DCLK2: variants seen among roughly 807,000 people sequenced by gnomAD.
DCLK2 encodes the protein serine/threonine-protein kinase DCLK2.
Under a neutral mutation model 78.4 loss-of-function variants are expected in DCLK2, and 31 were observed. That is an observed-to-expected ratio of 0.40 (90% CI 0.30 to 0.53). The LOEUF (loss-of-function observed/expected upper bound fraction) is 0.53, where lower values mean the gene tolerates loss of function less well. DCLK2 is among the 20% of genes least tolerant of loss of function. The probability of loss-of-function intolerance (pLI) is 0.61; values close to 1 mark genes in which losing one functional copy is unlikely to be tolerated. For synonymous variants in DCLK2, 407 were observed against 374.9 expected, an observed-to-expected ratio of 1.09 and a Z score of -0.99; for missense variants, 872 against 973.7, an observed-to-expected ratio of 0.90 and a Z score of 1.39.
chr4:150,214,974 AAAG>A (rs1740582917), intron 5 of DCLK2, among the ~76,000 whole-genome samples: 2 of 143,148 alleles, frequency 1.4e-5, no homozygotes, highest in Non-Finnish European at 1.5e-5. Flanking sequence ...AAAAAAAAAG[AAAG>A]AAAATGTTTC....
At chr4:150,223,500 T>C (rs1411065022) in intron 7 of DCLK2, among the ~76,000 whole-genome samples, 1 of 152,198 alleles carries the variant, frequency 6.6e-6, no homozygotes, top group Non-Finnish European at 1.5e-5. Flanking sequence ...TCCCAGCACT[T>C]TGGGAGGCCG....
chr4:150,096,326 G>A (rs1325178236), intron 1 of DCLK2, among the ~76,000 whole-genome samples: 1 of 152,214 alleles, frequency 6.6e-6, no homozygotes, highest in African/African-American at 2.4e-5. Context: ...GGCAGTAATG[G>A]AGAGTGAAAT....
chr4:150,091,102 A>C (rs1419128125), intron 1 of DCLK2, among the ~76,000 whole-genome samples: 2 of 152,184 alleles, frequency 1.3e-5, no homozygotes, highest in Non-Finnish European at 2.9e-5. Context: ...ATAATAAATC[A>C]GTCTTACTTT....
chr4:150,088,732 C>T (rs1729826520), intron 1 of DCLK2, among the ~76,000 whole-genome samples: 2 of 152,200 alleles, frequency 1.3e-5, no homozygotes, highest in Admixed American at 1.3e-4. Flanking sequence ...AAATTCCATA[C>T]TTAACCTCAT....
chr4:150,169,079 T>TGG (rs2150255807), intron 2 of DCLK2, among the ~76,000 whole-genome samples: 2 of 149,650 alleles, frequency 1.3e-5, no homozygotes, highest in South Asian at 4.4e-4. Context: ...GTGTTTCTGT[T>TGG]GGTTAGATTT....
chr4:150,195,833 G>A (rs1445493926), intron 3 of DCLK2, among the ~76,000 whole-genome samples: 3 of 151,794 alleles, frequency 2.0e-5, no homozygotes, highest in Admixed American at 2.0e-4. Flanking sequence ...CTGCAAAGTA[G>A]GGATAATAAT....
chr4:150,249,454 A>G, intron 14 of DCLK2, 114 bp from the exon 15 acceptor site: 1 of 797,076 alleles, frequency 1.3e-6, no homozygotes, highest in Non-Finnish European at 2.2e-6. Flanking sequence ...AGAGGGGCCC[A>G]TTTAGGAAGA....
intron 1 of DCLK2, among the ~76,000 whole-genome samples, chr4:150,089,047 A>T (rs969463270): frequency 6.6e-6 from 1 of 152,256 alleles, no homozygotes; most frequent in African/African-American, 2.4e-5. Flanking sequence ...CATCAATAAT[A>T]CTTGCATGAT....
chr4:150,100,856 T>C (rs561373216), intron 1 of DCLK2, among the ~76,000 whole-genome samples: 1 of 152,348 alleles, frequency 6.6e-6, no homozygotes, highest in African/African-American at 2.4e-5. Flanking sequence ...GATTTCACTT[T>C]ACTGGTGTAG....
At chr4:150,197,034 A>G (rs1028710256) in intron 3 of DCLK2, among the ~76,000 whole-genome samples, 17 of 152,036 alleles carry the variant, frequency 1.1e-4, no homozygotes, top group African/African-American at 3.6e-4. Context: ...GGGCGCCTGT[A>G]GTCCACTCAG....
chr4:150,079,151 A>G lies in DCLK2; in HGVS notation c.124A>G (p.Asn42Asp), dbSNP rs1380308641. 1.2e-6 allele frequency: 2 copies of G among 1,601,532 alleles called. No homozygotes were observed. Among genetic ancestry groups the G allele is most frequent in the Admixed American group, 1.7e-5 (1 of 58,996 alleles). ...CAGCAGCAGCTCGGGCCCCAAGGGG[A>G]ACGGGCTCATCCCCAGTCCGGCGCA... is the stretch of plus-strand genomic sequence containing the variant. The part of the protein sequence containing the change: ...GGSSSSGPKG[N>D]GLIPSPAHSA... The change falls in exon 1 of 16, where the codon AAC (asparagine) becomes GAC (aspartate). Residue 42 changes from asparagine (N) to aspartate (D), a missense_variant. By Grantham distance (23) the Asn-to-Asp change is conservative. Around this residue, in one of 3 missense-constraint regions of DCLK2, gnomAD observed 567 missense variants for 593.4 expected, o/e 0.96. Coordinates refer to ENST00000296550, the MANE Select transcript of DCLK2 (RefSeq NM_001040260.4).
At position 150,218,087 on chromosome 4, in the gene DCLK2, G is replaced by A. The variant is rs143915401; in HGVS notation, c.1057-2616G>A. ...TCTCTCGCTCTCTCTCTCCTCCCCCGCCCCCCCTCCCCCCACAACGAGGCC... is the reference window on the plus strand; with the variant it reads ...TCTCTCGCTCTCTCTCTCCTCCCCCACCCCCCCTCCCCCCACAACGAGGCC... On this transcript the variant is annotated intron_variant, in intron 5 of 15. Transcript: ENST00000296550. Among the ~76,000 whole-genome samples, 816 of 87,244 alleles carry A rather than the reference G, an allele frequency of 9.4e-3. 13 individuals carry two copies. The highest frequency in any genetic ancestry group is 0.033 in the African/African-American group (761 of 23,220). 57.2% of individuals were successfully genotyped at this position (87,244 alleles called of 152,430 possible).
chr4:150,102,448 A>T lies in DCLK2; in HGVS notation c.422-30A>T, dbSNP rs773663723. On this transcript the variant is annotated intron_variant, in intron 1 of 15. Transcript: ENST00000296550. The stretch of plus-strand genomic sequence containing the variant: ...AAATGCTTCTATGATAGAGATAATC[A>T]TGCTAATAAAATCAAATTTTGCTTT... The T allele has an allele frequency of 3.8e-6, 6 of 1,595,894 alleles. No individual in the cohort carries two copies. The Admixed American group carries it at 5.1e-5, about 14-fold the overall frequency.
intron 1 of DCLK2, among the ~76,000 whole-genome samples, chr4:150,081,291 C>G (rs1413453481): frequency 6.6e-6 from 1 of 152,158 alleles, no homozygotes; most frequent in Non-Finnish European, 1.5e-5. Flanking sequence ...TTATGCATGT[C>G]CATTAATAGG....
chr4:150,103,719 C>T (rs1041713318), intron 2 of DCLK2, among the ~76,000 whole-genome samples: 6 of 152,150 alleles, frequency 3.9e-5, no homozygotes, highest in African/African-American at 1.4e-4. Context: ...TTGGGAAAAA[C>T]ACAATCAAAT....
chr4:150,177,735 T>G (rs902691722), intron 2 of DCLK2, among the ~76,000 whole-genome samples: 1 of 152,114 alleles, frequency 6.6e-6, no homozygotes, highest in African/African-American at 2.4e-5. Context: ...AAAAGAAAAT[T>G]GTAAAGACAT....
chr4:150,209,979 G>T (rs2126481455), intron 5 of DCLK2, among the ~76,000 whole-genome samples: 1 of 152,320 alleles, frequency 6.6e-6, no homozygotes, highest in South Asian at 2.1e-4. Context: ...GGAGGCTGAA[G>T]CAGGAGAATC....
chr4:150,097,861 T>C (rs1445666561), intron 1 of DCLK2, among the ~76,000 whole-genome samples: 1 of 152,198 alleles, frequency 6.6e-6, no homozygotes, highest in East Asian at 1.9e-4. Context: ...TTTACAGTTT[T>C]ATGGCCAAAG....
At chr4:150,145,486 T>C (rs1034339235) in intron 2 of DCLK2, among the ~76,000 whole-genome samples, 5 of 152,260 alleles carry the variant, frequency 3.3e-5, no homozygotes, top group Non-Finnish European at 7.3e-5. Flanking sequence ...TTAATACTTT[T>C]TTAAAGCCCA....
Sources: gnomAD v4.1 joint callset for allele counts (sites outside exome capture counted in the v4.1 genomes callset) on GRCh38, gnomAD v4.1.1 for gene constraint, gnomAD v4.1.1 regional missense constraint, MANE v1.5 for transcripts, NCBI Gene and HGNC (gene_info 2026-07-23, HGNC 2026-07-21) for gene names.